The following DACH2 variants were observed in gnomAD, a reference collection of about 807,000 sequenced individuals.
DACH2 encodes the protein dachshund family transcription factor 2.
In DACH2, 17 loss-of-function variants were observed where a neutral mutation model predicts 35.8. That is an observed-to-expected ratio of 0.48 (90% CI 0.33 to 0.71). The LOEUF is 0.71. Among genes scored for constraint, DACH2 ranks in the 30% least tolerant of loss-of-function variants. The pLI, the probability that DACH2 is intolerant of heterozygous loss-of-function variation, is 0.02. For synonymous variants in DACH2, 195 were observed against 177.3 expected (o/e 1.10, Z -0.79); for missense variants, 469 against 472.7 (o/e 0.99, Z 0.07).
At chrX:86,739,316 G>A (rs1307162977) in intron 6 of DACH2, among the ~76,000 whole-genome samples, 2 of 111,038 alleles carry the variant, frequency 1.8e-5, no homozygotes, top group Admixed American at 9.6e-5. Flanking sequence ...CAATTTGTGA[G>A]TTTTATTCCA....
chrX:86,673,026 A>G (rs1374062622), intron 4 of DACH2, among the ~76,000 whole-genome samples: 4 of 112,073 alleles, frequency 3.6e-5, no homozygotes, highest in African/African-American at 1.3e-4. Flanking sequence ...TCTGGATGTG[A>G]GACACGGAGT....
At chrX:86,339,083 C>A (rs773751579) in intron 1 of DACH2, among the ~76,000 whole-genome samples, 268 of 111,684 alleles carry the variant, frequency 2.4e-3, no homozygotes, top group East Asian at 6.0e-3. Flanking sequence ...AATAGCCTAC[C>A]AACCAAAAAC....
At chrX:86,330,599 A>G (rs1386864462) in intron 1 of DACH2, among the ~76,000 whole-genome samples, 4 of 111,719 alleles carry the variant, frequency 3.6e-5, no homozygotes, top group Non-Finnish European at 7.5e-5. Flanking sequence ...AATAATTTTA[A>G]AAACAACACC....
chrX:86,274,486 C>CTTTTT (rs1569324707), intron 1 of DACH2, among the ~76,000 whole-genome samples: 5 of 12,176 alleles, frequency 4.1e-4, no homozygotes, highest in African/African-American at 3.0e-3. Context: ...GAGACGGAGT[C>CTTTTT]TTTCTGTTTT....
At chrX:86,303,950 C>T (rs2034625798) in intron 1 of DACH2, among the ~76,000 whole-genome samples, 1 of 111,205 alleles carries the variant, frequency 9.0e-6, no homozygotes, top group African/African-American at 3.3e-5. Context: ...TAGAACAAAG[C>T]TGGAGGTATC....
At chrX:86,661,175 C>A (rs2040601014) in intron 4 of DACH2, among the ~76,000 whole-genome samples, 1 of 111,952 alleles carries the variant, frequency 8.9e-6, no homozygotes. Flanking sequence ...CCATAAAATT[C>A]ACTCTTTTGA....
At chrX:86,288,605 G>A (rs1179894742) in intron 1 of DACH2, among the ~76,000 whole-genome samples, 1 of 112,159 alleles carries the variant, frequency 8.9e-6, no homozygotes, top group Non-Finnish European at 1.9e-5. Context: ...CCACAAGACA[G>A]AGTCCTTTTC....
chrX:86,623,062 C>T (rs6623739), intron 3 of DACH2, among the ~76,000 whole-genome samples: 32,464 of 110,226 alleles, frequency 0.29, 3,784 homozygotes, highest in East Asian at 0.46. Flanking sequence ...AAGTACTGCC[C>T]ACCTGGGAAA....
intron 3 of DACH2, among the ~76,000 whole-genome samples, chrX:86,543,795 T>A (rs1361311219): frequency 1.2e-5 from 1 of 83,873 alleles, no homozygotes; most frequent in Non-Finnish European, 2.2e-5. Context: ...TGAGAACACA[T>A]GGACACAGGA....
rs771765568 is a variant in DACH2, at chrX:86,386,598, T to A, written c.527+9736T>A. Among the ~76,000 whole-genome samples, 10 of 111,822 alleles carry A rather than the reference T, an allele frequency of 8.9e-5. No individual in the cohort carries two copies. In the South Asian group the frequency reaches 3.7e-3, roughly 41 times the overall value. ...TATATCAGCATAGACTTCTAGGTGT[T>A]TATTTTATACTTTGGGTTATAATCC... On this transcript the variant is annotated intron_variant, in intron 2 of 11. Transcript: ENST00000373125.
chrX:86,294,503 C>G (rs2034396095), intron 1 of DACH2, among the ~76,000 whole-genome samples: 1 of 110,952 alleles, frequency 9.0e-6, no homozygotes, highest in Admixed American at 9.6e-5. Context: ...AGTCGCTCTG[C>G]TTTTTAGAGT....
In DACH2 at chrX:86,573,368, G is replaced by C. The variant is rs182222310; in HGVS notation, c.640+58977G>C. 2.7e-4 allele frequency among the ~76,000 whole-genome samples: 28 copies of C among 103,491 alleles called. No homozygotes were observed. In the East Asian group the frequency reaches 3.2e-3, roughly 12 times the overall value. 89.9% of individuals were successfully genotyped at this position (103,491 alleles called of 115,157 possible). On this transcript the variant is annotated intron_variant, in intron 3 of 11. Coordinates refer to ENST00000373125, the MANE Select transcript of DACH2 (RefSeq NM_053281.3). ...CTTCTGCCATTCATATTAGAAACTG[G>C]AAACATCAATCCTTAAAAACATGTC...
At chrX:86,599,593 T>C in intron 3 of DACH2, among the ~76,000 whole-genome samples, 1 of 107,913 alleles carries the variant, frequency 9.3e-6, no homozygotes, top group Middle Eastern at 4.7e-3. Flanking sequence ...ACCTCCAAAG[T>C]TCAAGCGATT....
chrX:86,366,796 C>A (rs5968908), intron 1 of DACH2, among the ~76,000 whole-genome samples: 3 of 107,922 alleles, frequency 2.8e-5, no homozygotes, highest in Admixed American at 1.0e-4. Flanking sequence ...ACCCCACCCC[C>A]CTTTTTGCTT....
chrX:86,575,350 G>C (rs757574231), intron 3 of DACH2, among the ~76,000 whole-genome samples: 2 of 109,566 alleles, frequency 1.8e-5, no homozygotes, highest in East Asian at 2.9e-4. Context: ...ATGCAATGGT[G>C]GGGGGGGAAG....
At chrX:86,457,997 G>T (rs2148206179) in intron 2 of DACH2, among the ~76,000 whole-genome samples, 1 of 111,768 alleles carries the variant, frequency 8.9e-6, no homozygotes, top group Admixed American at 9.5e-5. Context: ...ACAATACAGT[G>T]GTCAAGTTTA....
chrX:86,160,805 G>C, intron 1 of DACH2: 1 of 476,774 alleles, frequency 2.1e-6, no homozygotes, highest in South Asian at 3.3e-5. Flanking sequence ...TTGTAACATC[G>C]ACTGCAGCAA....
At chrX:86,171,571 C>T (rs921544829) in intron 1 of DACH2, among the ~76,000 whole-genome samples, 1 of 111,463 alleles carries the variant, frequency 9.0e-6, no homozygotes, top group Non-Finnish European at 1.9e-5. Context: ...GGTTTAAATG[C>T]GCCCTCTATG....
chrX:86,495,705 C>T (rs934071245), intron 2 of DACH2, among the ~76,000 whole-genome samples: 1 of 109,324 alleles, frequency 9.1e-6, no homozygotes, highest in African/African-American at 3.3e-5. Flanking sequence ...CCTAGCTACT[C>T]AGGAGGCTAA....
Sources: allele counts gnomAD v4.1 joint callset (sites outside exome capture counted in the v4.1 genomes callset), GRCh38; gene constraint gnomAD v4.1.1; transcripts MANE v1.5; gene names NCBI Gene and HGNC (gene_info 2026-07-23, HGNC 2026-07-21).